Variants in DCLK2 observed in about 807,000 individuals in gnomAD.
DCLK2 encodes doublecortin like kinase 2.
Under a neutral mutation model 78.4 loss-of-function variants are expected in DCLK2, and 31 were observed. The observed-to-expected ratio is 0.40, with a 90% CI of 0.30 to 0.53. The LOEUF is 0.53. Among genes scored for constraint, DCLK2 ranks in the 20% least tolerant of loss-of-function variants. The probability of loss-of-function intolerance (pLI) is 0.61; values close to 1 mark genes in which losing one functional copy is unlikely to be tolerated. For missense variants in DCLK2, 872 were observed against 973.7 expected (o/e 0.90, Z 1.39); for synonymous variants, 407 against 374.9 (o/e 1.09, Z -0.99).
rs1351040511 is a variant in DCLK2 at position 150,079,403 on chromosome 4, A to C, written c.376A>C (p.Ile126Leu). The C allele has an allele frequency of 1.3e-6, 2 of 1,560,590 alleles. No homozygotes were observed. The highest frequency in any genetic ancestry group is 3.6e-5 in the Admixed American group (2 of 54,820). ...CCAGGGTGTCCGCACTATCTACACCATCGACGGCAGCCGGAAGGTCACCAG... is the reference window on the plus strand; with the variant it reads ...CCAGGGTGTCCGCACTATCTACACCCTCGACGGCAGCCGGAAGGTCACCAG... Reference protein sequence around the residue: ...LPQGVRTIYTIDGSRKVTSLD... With the variant: ...LPQGVRTIYTLDGSRKVTSLD... Residue 126 changes from isoleucine (I) to leucine (L), a missense_variant, in exon 1 of 16, where the codon ATC becomes CTC. This residue lies in a region of DCLK2 where 567 missense variants were observed against 593.4 expected (regional missense o/e 0.96). Transcript: ENST00000296550.
chr4:150,105,181 A>G (rs1731167711), intron 2 of DCLK2, among the ~76,000 whole-genome samples: 1 of 152,170 alleles, frequency 6.6e-6, no homozygotes, highest in Non-Finnish European at 1.5e-5. Context: ...TTATGTTGAA[A>G]TGGGAACAGA....
chr4:150,150,107 A>G (rs1278241646), intron 2 of DCLK2, among the ~76,000 whole-genome samples: 1 of 152,214 alleles, frequency 6.6e-6, no homozygotes, highest in Non-Finnish European at 1.5e-5. Flanking sequence ...AAGTTTAACT[A>G]AATGTGTATG....
chr4:150,099,122 G>A (rs533882851), intron 1 of DCLK2, among the ~76,000 whole-genome samples: 22 of 152,308 alleles, frequency 1.4e-4, no homozygotes, highest in African/African-American at 5.3e-4. Flanking sequence ...AGGGAGTCAC[G>A]AATCTTAAAC....
chr4:150,234,852 A>G (rs576665716), intron 10 of DCLK2, among the ~76,000 whole-genome samples: 1 of 152,136 alleles, frequency 6.6e-6, no homozygotes, highest in East Asian at 1.9e-4. Context: ...AAGTTAGGAT[A>G]TGGCGTTCTC....
At chr4:150,189,225 A>T (rs1343776389) in intron 2 of DCLK2, among the ~76,000 whole-genome samples, 2 of 108,656 alleles carry the variant, frequency 1.8e-5, no homozygotes, top group South Asian at 3.8e-4. Context: ...ACTGCAGTAG[A>T]TACATTTTTA....
intron 12 of DCLK2, among the ~76,000 whole-genome samples, chr4:150,247,019 A>G (rs1361527191): frequency 1.3e-5 from 2 of 152,130 alleles, no homozygotes; most frequent in African/African-American, 4.8e-5. Flanking sequence ...TGACTTTTTC[A>G]TATGTTGGCT....
chr4:150,227,382 C>G (rs569917154), intron 8 of DCLK2, among the ~76,000 whole-genome samples: 1 of 152,264 alleles, frequency 6.6e-6, no homozygotes, highest in African/African-American at 2.4e-5. Flanking sequence ...AAATTAATAC[C>G]AGTTCTGCAA....
rs1743431039 is a variant in DCLK2, at chr4:150,247,638, T to C, written c.1814T>C (p.Ile605Thr). 2 of 1,613,972 alleles carry C rather than the reference T, an allele frequency of 1.2e-6. No homozygotes were observed. Among genetic ancestry groups the C allele is most frequent in the Non-Finnish European group, 1.7e-6 (2 of 1,180,022 alleles). Reference sequence around the variant, plus strand: ...CTCCAGGAAGATCTCTTCGACCAGATCTTGGCTGGGAAGCTGGAGTTTCCG... The same window carrying C: ...CTCCAGGAAGATCTCTTCGACCAGACCTTGGCTGGGAAGCTGGAGTTTCCG... ...NNLQEDLFDQ[I>T]LAGKLEFPAP... Residue 605 changes from isoleucine to threonine, a missense_variant, in exon 13 of 16, where the codon ATC (isoleucine) becomes ACC (threonine). By Grantham distance (89) the Ile-to-Thr change is moderately conservative. This residue lies in a region of DCLK2 where 219 missense variants were observed against 230.1 expected (regional missense o/e 0.95). Transcript: ENST00000296550.
chr4:150,157,390 C>T (rs115285409), intron 2 of DCLK2, among the ~76,000 whole-genome samples: 2,011 of 152,194 alleles, frequency 0.013, 46 homozygotes, highest in African/African-American at 0.046. Context: ...AAGCAATCCT[C>T]ACACCTCAGC....
At chr4:150,246,309 A>C (rs1180382124) in intron 12 of DCLK2, among the ~76,000 whole-genome samples, 1 of 152,084 alleles carries the variant, frequency 6.6e-6, no homozygotes, top group African/African-American at 2.4e-5. Flanking sequence ...GGCCTCCCAG[A>C]GTGTTGGGAT....
At chr4:150,144,844 C>T (rs1734351464) in intron 2 of DCLK2, among the ~76,000 whole-genome samples, 1 of 152,178 alleles carries the variant, frequency 6.6e-6, no homozygotes, top group Non-Finnish European at 1.5e-5. Context: ...CCTTGGCCTC[C>T]CAAAGTGCTG....
At chr4:150,178,236 G>A (rs961855255) in intron 2 of DCLK2, among the ~76,000 whole-genome samples, 18 of 152,118 alleles carry the variant, frequency 1.2e-4, no homozygotes, top group African/African-American at 4.3e-4. Context: ...GAACTATCTT[G>A]CTTTGAATTC....
In DCLK2 at chr4:150,175,011, A is replaced by AAAAAAAATAT. The variant is rs1454035697; in HGVS notation, c.757-18126_757-18125insAAAAAATATA. Among the ~76,000 whole-genome samples, 17 of 9,976 alleles carry AAAAAAAATAT rather than the reference A, an allele frequency of 1.7e-3. 5 individuals carry two copies. Among genetic ancestry groups the AAAAAAAATAT allele is most frequent in the East Asian group, 3.0e-3 (2 of 660 alleles). The allele number at this position is 9,976 out of a possible 152,430, so 6.5% of individuals were successfully genotyped here. ...AGACTCCGTCGCAAAAAAAAAAAAA[A>AAAAAAAATAT]ATATATATATATATATATATATTTA... On this transcript the variant is annotated intron_variant, in intron 2 of 15. Coordinates refer to ENST00000296550, the MANE Select transcript of DCLK2 (RefSeq NM_001040260.4).
At chr4:150,240,033 A>G (rs750627108) in intron 11 of DCLK2, among the ~76,000 whole-genome samples, 158 bp downstream of exon 11, 36 of 152,292 alleles carry the variant, frequency 2.4e-4, no homozygotes, top group Admixed American at 8.5e-4. Context: ...TTTTGTTGCT[A>G]TTGCTGCTTG....
At chr4:150,173,095 T>C (rs201786282) in intron 2 of DCLK2, among the ~76,000 whole-genome samples, 2 of 152,062 alleles carry the variant, frequency 1.3e-5, no homozygotes, top group African/African-American at 4.8e-5. Context: ...GATCTTCTGT[T>C]CTCCTTCCCT....
chr4:150,234,963 G>T (rs1330543357), intron 10 of DCLK2, among the ~76,000 whole-genome samples: 2 of 152,132 alleles, frequency 1.3e-5, no homozygotes, highest in African/African-American at 4.8e-5. Context: ...AAGGCACAGG[G>T]CTTTCTCCAG....
At position 150,256,618 on chromosome 4, in the gene DCLK2, A is replaced by G; in HGVS notation, c.*371A>G. On this transcript the variant is annotated 3_prime_UTR_variant, in exon 16 of 16. Transcript: ENST00000296550. Reference sequence around the variant, plus strand: ...TAGAAACACTTTGGAAACACTTTGGATGAACCAAGGCCTTTTCCTTATTTA... The same window carrying G: ...TAGAAACACTTTGGAAACACTTTGGGTGAACCAAGGCCTTTTCCTTATTTA... 4.6e-6 allele frequency: 1 copy of G among 218,216 alleles called. No individual in the cohort carries two copies. The allele number at this position is 218,216 out of a possible 1,614,324, so 13.5% of individuals were successfully genotyped here. A position where few individuals can be genotyped will look rare whatever the true frequency, so the allele number is the denominator to read the frequency against.
intron 1 of DCLK2, among the ~76,000 whole-genome samples, chr4:150,097,486 C>G (rs959324753): frequency 2.0e-5 from 3 of 152,146 alleles, no homozygotes; most frequent in Admixed American, 6.5e-5. Context: ...TTTTAATGAC[C>G]TCTTTCTTCT....
intron 2 of DCLK2, among the ~76,000 whole-genome samples, chr4:150,118,552 A>G (rs1732277184): frequency 6.6e-6 from 1 of 152,230 alleles, no homozygotes; most frequent in Non-Finnish European, 1.5e-5. Context: ...ACATATTTTC[A>G]TATACAGTAT....
Sources: gnomAD v4.1 joint callset for allele counts (sites outside exome capture counted in the v4.1 genomes callset) on GRCh38, gnomAD v4.1.1 for gene constraint, gnomAD v4.1.1 regional missense constraint, MANE v1.5 for transcripts, NCBI Gene and HGNC (gene_info 2026-07-23, HGNC 2026-07-21) for gene names.